The following UBR4 variants were observed in gnomAD, a reference collection of about 807,000 sequenced individuals.
UBR4 encodes the protein ubiquitin protein ligase E3 component n-recognin 4.
A neutral mutation model predicts 575.6 loss-of-function variants in UBR4; 124 were observed. That is an observed-to-expected ratio of 0.22 (90% CI 0.19 to 0.25). The LOEUF (loss-of-function observed/expected upper bound fraction) is 0.25, where lower values mean the gene tolerates loss of function less well. Ranked by LOEUF, UBR4 falls within the 10% of genes least tolerant of loss-of-function variation. UBR4 has a pLI of 1.00. For missense variants in UBR4, 4,818 were observed against 6,478.8 expected, an observed-to-expected ratio of 0.74 and a Z score of 8.80; for synonymous variants, 2,455 against 2,473.7, an observed-to-expected ratio of 0.99 and a Z score of 0.22.
Position 19,081,361 on chromosome 1 carries a change from C to T in UBR4, c.15221G>A (p.Gly5074Asp). 1 of 1,601,718 alleles carries T rather than the reference C, an allele frequency of 6.2e-7. No homozygotes were observed. Among genetic ancestry groups the T allele is most frequent in the Non-Finnish European group, 8.5e-7 (1 of 1,173,804 alleles). ...AGCAGGTACTGACCTGGTGGCTCCACCTGGAGCCACTGCCCGAGCCTGCGA... is the reference window on the plus strand; with the variant it reads ...AGCAGGTACTGACCTGGTGGCTCCATCTGGAGCCACTGCCCGAGCCTGCGA... ...VTSQARAVAP[G>D]GATRLTDKAV... Residue 5074 changes from glycine (G) to aspartate (D), a missense_variant, in exon 103 of 106, where the codon GGT (glycine) becomes GAT (aspartate). Physicochemically the swap from Gly to Asp is moderately conservative, Grantham distance 94. Transcript: ENST00000375254.
intron 57 of UBR4, among the ~76,000 whole-genome samples, 178 bp from the exon 58 acceptor site, chr1:19,141,070 G>A (rs2083866003): frequency 6.6e-6 from 1 of 152,202 alleles, no homozygotes; most frequent in African/African-American, 2.4e-5. Context: ...CAGAGATGGT[G>A]GAATGCTTCC....
At chr1:19,118,048 A>C in intron 71 of UBR4, 138 bp from the exon 72 acceptor site, 1 of 707,754 alleles carries the variant, frequency 1.4e-6, no homozygotes. Flanking sequence ...GTGAGAACTC[A>C]AGGACACAGG....
At position 19,160,292 on chromosome 1, in the gene UBR4, T is replaced by G. The variant is rs371649858; in HGVS notation, c.5407-11A>C. The G allele has an allele frequency of 1.4e-6, 2 of 1,436,712 alleles. No individual in the cohort carries two copies. Among genetic ancestry groups the G allele is most frequent in the Non-Finnish European group, 1.8e-6 (2 of 1,094,690 alleles). 89.0% of individuals were successfully genotyped at this position (1,436,712 alleles called of 1,614,324 possible). A position where few individuals can be genotyped will look rare whatever the true frequency, so the allele number is the denominator to read the frequency against. On this transcript the variant is annotated splice_polypyrimidine_tract_variant and intron_variant, in intron 38 of 105. Coordinates refer to ENST00000375254, the MANE Select transcript of UBR4 (RefSeq NM_020765.3). ...GAAGGAGAAATTGGCCTGAGAAAAA[T>G]AGAAAAAATACACCAGTGAAAAAAA...
In UBR4 at chr1:19,168,196, C is replaced by A; in HGVS notation, c.3742-12G>T. 2 of 1,557,058 alleles carry A rather than the reference C, an allele frequency of 1.3e-6. No homozygotes were observed. On this transcript the variant is annotated splice_polypyrimidine_tract_variant and intron_variant, in intron 27 of 105. Coordinates refer to ENST00000375254, the MANE Select transcript of UBR4 (RefSeq NM_020765.3). ...GCAAAGGCATTGCGCTGAAAGGAAG[C>A]AAAGCAGATGTAAATGGATAGACCA...
chr1:19,148,440 T>A, intron 50 of UBR4, 123 bp downstream of exon 50: 4 of 1,282,562 alleles, frequency 3.1e-6, no homozygotes, highest in Non-Finnish European at 4.4e-6. Flanking sequence ...CTGGAGCTTC[T>A]TAGCAAATCA....
At chr1:19,207,344 T>C (rs753397729) in intron 1 of UBR4, among the ~76,000 whole-genome samples, 2 of 152,198 alleles carry the variant, frequency 1.3e-5, no homozygotes, top group Non-Finnish European at 2.9e-5. Flanking sequence ...AATAAAACCT[T>C]TGGGCTGGGT....
At chr1:19,103,643 A>G (rs1485029567) in intron 87 of UBR4, among the ~76,000 whole-genome samples, 1 of 152,250 alleles carries the variant, frequency 6.6e-6, no homozygotes, top group African/African-American at 2.4e-5. Flanking sequence ...ATTTGCACAC[A>G]GTGAAGAAAA....
intron 38 of UBR4, among the ~76,000 whole-genome samples, 190 bp downstream of exon 38, chr1:19,160,727 A>G (rs1000218543): frequency 6.6e-6 from 1 of 152,170 alleles, no homozygotes; most frequent in Non-Finnish European, 1.5e-5. Flanking sequence ...ACCCCCCATA[A>G]TACTCCTAAT....
intron 1 of UBR4, among the ~76,000 whole-genome samples, chr1:19,204,528 A>AT (rs978962628): frequency 8.0e-4 from 86 of 107,632 alleles, no homozygotes; most frequent in African/African-American, 2.8e-3. Context: ...TGAAATATAT[A>AT]AAAAAAAATA....
intron 28 of UBR4, 43 bp from the exon 29 acceptor site, chr1:19,167,274 C>T: frequency 6.2e-7 from 1 of 1,605,204 alleles, no homozygotes; most frequent in South Asian, 1.1e-5. Flanking sequence ...ATACACTCCT[C>T]CAAAAAGCTG....
chr1:19,144,512 A>T (rs953644880), intron 54 of UBR4, among the ~76,000 whole-genome samples: 1 of 152,218 alleles, frequency 6.6e-6, no homozygotes, highest in African/African-American at 2.4e-5. Flanking sequence ...TGCTCATTTA[A>T]GTCACAATTC....
intron 31 of UBR4, 46 bp from the exon 32 acceptor site, chr1:19,165,043 G>A: frequency 6.2e-7 from 1 of 1,601,666 alleles, no homozygotes; most frequent in South Asian, 1.1e-5. Context: ...AGGGCAAGAG[G>A]AAGAGAAAGA....
intron 44 of UBR4, among the ~76,000 whole-genome samples, chr1:19,154,714 A>G (rs1415167176): frequency 2.0e-5 from 3 of 152,216 alleles, no homozygotes; most frequent in East Asian, 1.9e-4. Flanking sequence ...GGGTCTCCAC[A>G]GTGGAGGACA....
intron 13 of UBR4, 92 bp from the exon 14 acceptor site, chr1:19,186,749 T>A: frequency 7.8e-7 from 1 of 1,282,998 alleles, no homozygotes; most frequent in South Asian, 1.4e-5. Flanking sequence ...TATTTTTTCC[T>A]AAATCCAAGA....
chr1:19,169,650 T>A, intron 26 of UBR4, 118 bp from the exon 27 acceptor site: 1 of 703,350 alleles, frequency 1.4e-6, no homozygotes, highest in Non-Finnish European at 2.3e-6. Context: ...TCAAAATAAT[T>A]AGTAAGATAG....
chr1:19,210,037 A>AC, intron 1 of UBR4, 36 bp downstream of exon 1: 1 of 1,517,194 alleles, frequency 6.6e-7, no homozygotes, highest in Non-Finnish European at 8.8e-7. Context: ...CCCTCCCCCC[A>AC]CAACAGCGTC....
Position 19,165,479 on chromosome 1 carries a change from T to G in UBR4, c.4212-130A>C, listed in dbSNP as rs919431078. 8 of 1,054,176 alleles carry G rather than the reference T, an allele frequency of 7.6e-6. No homozygotes were observed. The African/African-American group carries it at 1.3e-4, about 17-fold the overall frequency. 65.3% of individuals were successfully genotyped at this position (1,054,176 alleles called of 1,614,324 possible). A position where few individuals can be genotyped will look rare whatever the true frequency, so the allele number is the denominator to read the frequency against. On this transcript the variant is annotated intron_variant, in intron 30 of 105. Transcript: ENST00000375254. ...ATGAGTCAATAGCACAAGGTGTTCA[T>G]GAAATTAACCCCCTCACCAACAACC...
rs753055816 is a variant in UBR4, at chr1:19,122,839, G to A, written c.9810C>T (p.Ile3270=). The part of the protein sequence containing the change: ...SGSALQYDTL[I]SLMEHLKACA... The stretch of plus-strand genomic sequence containing the variant: ...CAGGTCCCAGCCCTCGTACCAGGCT[G>A]ATGAGTGTGTCATATTGCAAGGCGG... The change falls in exon 66 of 106, where the codon ATC becomes ATT. Residue 3270 remains isoleucine (I), a synonymous_variant. Coordinates refer to ENST00000375254, the MANE Select transcript of UBR4 (RefSeq NM_020765.3). The A allele has an allele frequency of 6.2e-7, 1 of 1,614,206 alleles. No individual in the cohort carries two copies. Among genetic ancestry groups the A allele is most frequent in the Non-Finnish European group, 8.5e-7 (1 of 1,180,042 alleles).
At chr1:19,154,864 T>C in intron 44 of UBR4, 54 bp downstream of exon 44, 1 of 1,595,556 alleles carries the variant, frequency 6.3e-7, no homozygotes, top group East Asian at 2.2e-5. Context: ...GGAGTGGAGA[T>C]CCCACATTGA....
Sources: gnomAD v4.1 joint callset for allele counts (sites outside exome capture counted in the v4.1 genomes callset) on GRCh38, gnomAD v4.1.1 for gene constraint, MANE v1.5 for transcripts, NCBI Gene and HGNC (gene_info 2026-07-23, HGNC 2026-07-21) for gene names.